Variants in LRRC4C observed in about 807,000 individuals in gnomAD.
The protein encoded by LRRC4C is leucine rich repeat containing 4C.
A neutral mutation model predicts 33.6 loss-of-function variants in LRRC4C; 5 were observed. The observed-to-expected ratio is 0.15, with a 90% CI of 0.08 to 0.31. The LOEUF is 0.31. Ranked by LOEUF, LRRC4C falls within the 10% of genes least tolerant of loss-of-function variation. LRRC4C has a pLI of 1.00. For synonymous variants in LRRC4C, 329 were observed against 302.0 expected (o/e 1.09, Z -0.93); for missense variants, 560 against 796.7 (o/e 0.70, Z 3.58).
chr11:40,430,111 C>G (rs1950862307), intron 3 of LRRC4C, among the ~76,000 whole-genome samples: 1 of 152,158 alleles, frequency 6.6e-6, no homozygotes, highest in Admixed American at 6.5e-5. Flanking sequence ...CCAATTCCAG[C>G]TGTGCTTTTA....
rs9666323 is a variant in LRRC4C at position 40,586,120 on chromosome 11, T to C, written c.-270+62022A>G. Among the ~76,000 whole-genome samples, 451 of 148,620 alleles carry C rather than the reference T, an allele frequency of 3.0e-3. 3 individuals carry two copies. Among genetic ancestry groups the C allele is most frequent in the African/African-American group, 0.011 (439 of 39,916 alleles). On this transcript the variant is annotated intron_variant, in intron 3 of 6. Transcript: ENST00000528697. ...GTAAAAGTGTTCCTATTTCTCCACA[T>C]CCTCTCCAGCACCTGTTGTTTCCTG...
At chr11:40,950,340 C>T (rs1423139854) in intron 1 of LRRC4C, among the ~76,000 whole-genome samples, 1 of 152,110 alleles carries the variant, frequency 6.6e-6, no homozygotes, top group Non-Finnish European at 1.5e-5. Context: ...CCAAGTTAAA[C>T]AATGCTCTCT....
chr11:40,773,186 G>C (rs1404710659), intron 2 of LRRC4C, among the ~76,000 whole-genome samples: 1 of 152,178 alleles, frequency 6.6e-6, no homozygotes, highest in East Asian at 1.9e-4. Flanking sequence ...TAGAATGATG[G>C]TTAGCAGAGG....
rs184384806 is a variant in LRRC4C, at chr11:40,347,991, C to T, written c.-269-28270G>A. On this transcript the variant is annotated intron_variant, in intron 3 of 6. Transcript: ENST00000528697. ...GTTGTCTCTCAAGAAATTGGGAGGC[C>T]CCAGAAAAGGGAGAGATATGACCAG... 5.0e-3 allele frequency among the ~76,000 whole-genome samples: 766 copies of T among 152,116 alleles called. 7 individuals are homozygous for T. Among genetic ancestry groups the T allele is most frequent in the Admixed American group, 9.9e-3 (151 of 15,278 alleles).
intron 3 of LRRC4C, among the ~76,000 whole-genome samples, chr11:40,494,126 C>G (rs541840616): frequency 1.3e-5 from 2 of 152,098 alleles, no homozygotes; most frequent in Non-Finnish European, 2.9e-5. Flanking sequence ...TGGGGTTCCA[C>G]CATTCCCTCC....
chr11:40,987,230 A>G (rs1435868716), intron 1 of LRRC4C, among the ~76,000 whole-genome samples: 1 of 152,134 alleles, frequency 6.6e-6, no homozygotes, highest in East Asian at 1.9e-4. Flanking sequence ...ATGTCCATAA[A>G]AAGATGGAGA....
chr11:41,187,377 A>G (rs1227788556), intron 1 of LRRC4C, among the ~76,000 whole-genome samples: 2 of 152,178 alleles, frequency 1.3e-5, no homozygotes, highest in Admixed American at 1.3e-4. Context: ...AGAAAAATGC[A>G]CTGGCGAAAG....
At chr11:40,635,433 G>A (rs1452204093) in intron 3 of LRRC4C, among the ~76,000 whole-genome samples, 2 of 152,058 alleles carry the variant, frequency 1.3e-5, no homozygotes, top group African/African-American at 2.4e-5. Flanking sequence ...TTGAAGCCAC[G>A]CTAAAGGAGC....
At chr11:41,269,246 G>T (rs572857453) in intron 1 of LRRC4C, among the ~76,000 whole-genome samples, 1 of 150,036 alleles carries the variant, frequency 6.7e-6, no homozygotes, top group Non-Finnish European at 1.5e-5. Context: ...AAATAAGTGG[G>T]CAGTGTCAAA....
chr11:41,424,357 T>A (rs1165686899), intron 1 of LRRC4C, among the ~76,000 whole-genome samples: 2 of 152,118 alleles, frequency 1.3e-5, no homozygotes, highest in Non-Finnish European at 2.9e-5. Flanking sequence ...AGATTTTTCA[T>A]TTATTTGAAC....
intron 3 of LRRC4C, among the ~76,000 whole-genome samples, chr11:40,483,550 A>C (rs1953700133): frequency 6.6e-6 from 1 of 152,164 alleles, no homozygotes; most frequent in Non-Finnish European, 1.5e-5. Flanking sequence ...ATTCTGAATA[A>C]AAGTGAATAA....
At chr11:40,957,498 G>C (rs1173618151) in intron 1 of LRRC4C, among the ~76,000 whole-genome samples, 1 of 151,598 alleles carries the variant, frequency 6.6e-6, no homozygotes, top group African/African-American at 2.4e-5. Context: ...GTTCATAATA[G>C]CTGTATTTTC....
At chr11:41,015,686 A>G (rs1038550617) in intron 1 of LRRC4C, among the ~76,000 whole-genome samples, 2 of 152,220 alleles carry the variant, frequency 1.3e-5, no homozygotes, top group Non-Finnish European at 2.9e-5. Flanking sequence ...AGGTACTCAT[A>G]TAATTTAAAT....
chr11:40,963,678 C>T (rs145569354), intron 1 of LRRC4C, among the ~76,000 whole-genome samples: 9 of 151,794 alleles, frequency 5.9e-5, no homozygotes, highest in Admixed American at 1.3e-4. Flanking sequence ...AATAATATAG[C>T]TCTCCTACCA....
chr11:41,194,518 C>T (rs1206573160), intron 1 of LRRC4C, among the ~76,000 whole-genome samples: 1 of 152,064 alleles, frequency 6.6e-6, no homozygotes, highest in Non-Finnish European at 1.5e-5. Context: ...GACCATTTTG[C>T]CAGGAGATTA....
At chr11:40,281,530 A>G (rs148409676) in intron 4 of LRRC4C, among the ~76,000 whole-genome samples, 128 of 152,300 alleles carry the variant, frequency 8.4e-4, no homozygotes, top group African/African-American at 2.9e-3. Flanking sequence ...AAAATCATTC[A>G]GGAGAGGCAC....
intron 1 of LRRC4C, among the ~76,000 whole-genome samples, chr11:41,078,781 C>CT (rs1233129800): frequency 1.3e-5 from 2 of 152,104 alleles, no homozygotes; most frequent in Admixed American, 6.6e-5. Flanking sequence ...CTTGAAAAGG[C>CT]TTTTTTTCCC....
chr11:40,534,561 G>A (rs1956397294), intron 3 of LRRC4C, among the ~76,000 whole-genome samples: 1 of 152,058 alleles, frequency 6.6e-6, no homozygotes, highest in Non-Finnish European at 1.5e-5. Context: ...GGGGTAAAAT[G>A]TAAATAACAC....
chr11:40,436,738 G>A (rs957375338), intron 3 of LRRC4C, among the ~76,000 whole-genome samples: 1 of 152,218 alleles, frequency 6.6e-6, no homozygotes, highest in Non-Finnish European at 1.5e-5. Context: ...CTGAGCTGGA[G>A]AGAATGGCAG....
Sources: gnomAD v4.1 joint callset for allele counts (sites outside exome capture counted in the v4.1 genomes callset) on GRCh38, gnomAD v4.1.1 for gene constraint, MANE v1.5 for transcripts, NCBI Gene and HGNC (gene_info 2026-07-23, HGNC 2026-07-21) for gene names.